Variants in RAP1GAP2 observed in about 807,000 individuals in gnomAD.
RAP1GAP2 encodes the protein RAP1 GTPase activating protein 2.
A neutral mutation model predicts 95.0 loss-of-function variants in RAP1GAP2; 27 were observed. The observed-to-expected ratio is 0.28, with a 90% confidence interval of 0.21 to 0.39. The LOEUF is 0.39. Ranked by LOEUF, RAP1GAP2 falls within the 10% of genes least tolerant of loss-of-function variation. RAP1GAP2 has a pLI of 1.00. For synonymous variants in RAP1GAP2, 373 were observed against 380.9 expected (o/e 0.98, Z 0.24); for missense variants, 771 against 970.0 (o/e 0.79, Z 2.72).
In RAP1GAP2 at chr17:3,001,490, CA is replaced by C. The variant is rs1567879290; in HGVS notation, c.1200+3116del. ...GCTGAAGTGAGGCTCGTGGAGGTAA[CA>C]AGATCAGCCTCAGGGCCTTCCTGAT... On this transcript the variant is annotated intron_variant, in intron 14 of 24. Transcript: ENST00000254695. 2.2e-4 allele frequency among the ~76,000 whole-genome samples: 19 copies of C among 85,002 alleles called. 5 individuals carry two copies. The highest frequency in any genetic ancestry group is 4.1e-4 in the Admixed American group (4 of 9,752). The allele number at this position is 85,002 out of a possible 152,430, so 55.8% of individuals were successfully genotyped here. A position where few individuals can be genotyped will look rare whatever the true frequency, so the allele number is the denominator to read the frequency against.
chr17:2,798,335 A>G (rs2069152337), intron 1 of RAP1GAP2, among the ~76,000 whole-genome samples: 1 of 152,126 alleles, frequency 6.6e-6, no homozygotes, highest in Non-Finnish European at 1.5e-5. Flanking sequence ...CTGGCATGTC[A>G]CACAGGCTCA....
Position 2,797,607 on chromosome 17 carries a change from A to T in RAP1GAP2, c.44+1036A>T, listed in dbSNP as rs1376847424. 1 of 812,232 alleles carries T rather than the reference A, an allele frequency of 1.2e-6. No individual in the cohort carries two copies. The highest frequency in any genetic ancestry group is 1.5e-6 in the Non-Finnish European group (1 of 672,544). 50.3% of individuals were successfully genotyped at this position (812,232 alleles called of 1,614,324 possible). A position where few individuals can be genotyped will look rare whatever the true frequency, so the allele number is the denominator to read the frequency against. ...TTTTTCGCTTCCGTGTGTGTGGCTT[A>T]TTTCCCTCTTCCTCCTCTTCAAAAG... On this transcript the variant is annotated intron_variant, in intron 1 of 24. Coordinates refer to ENST00000254695, the MANE Select transcript of RAP1GAP2 (RefSeq NM_015085.5). The surrounding 1 kb of genome is among the most constrained non-coding windows in gnomAD (Gnocchi z 5.6).
At chr17:2,972,259 G>A (rs11869792) in intron 8 of RAP1GAP2, among the ~76,000 whole-genome samples, 67,098 of 151,960 alleles carry the variant, frequency 0.44, 15,460 homozygotes, top group African/African-American at 0.58. Flanking sequence ...CTTTAAAGGA[G>A]CAGATTTTAT....
intron 3 of RAP1GAP2, among the ~76,000 whole-genome samples, chr17:2,931,280 T>TGTG (rs2043143190): frequency 2.1e-4 from 31 of 146,666 alleles, no homozygotes; most frequent in African/African-American, 6.7e-4. Flanking sequence ...TGAGTGTTTC[T>TGTG]TGTGTGTGTG....
chr17:2,950,912 G>T (rs1210000774), intron 3 of RAP1GAP2, among the ~76,000 whole-genome samples: 1 of 152,040 alleles, frequency 6.6e-6, no homozygotes, highest in Non-Finnish European at 1.5e-5. Context: ...CGCCCGGCCT[G>T]CTTCAATTTT....
chr17:2,762,222 C>T (rs537602705), intron 1 of RAP1GAP2, among the ~76,000 whole-genome samples: 6 of 151,240 alleles, frequency 4.0e-5, no homozygotes, highest in South Asian at 4.2e-4. Context: ...CTCCTGACCT[C>T]GTGATCCACC....
upstream of RAP1GAP2, among the ~76,000 whole-genome samples, chr17:2,775,810 G>T (rs1423579047): frequency 6.6e-6 from 1 of 152,172 alleles, no homozygotes; most frequent in East Asian, 1.9e-4. Flanking sequence ...AGGACCCTTC[G>T]TTCCTTCTAC....
At chr17:2,872,895 C>A (rs1197054582) in intron 2 of RAP1GAP2, among the ~76,000 whole-genome samples, 1 of 151,934 alleles carries the variant, frequency 6.6e-6, no homozygotes, top group Middle Eastern at 3.2e-3. Context: ...AACTCTTGGG[C>A]TCAAGCGATC....
At position 3,026,106 on chromosome 17, in the gene RAP1GAP2, G is replaced by T. The variant is rs1328290885; in HGVS notation, c.1850G>T (p.Cys617Phe). The T allele has an allele frequency of 1.4e-5, 22 of 1,610,116 alleles. No homozygotes were observed. Among genetic ancestry groups the T allele is most frequent in the Non-Finnish European group, 1.9e-5 (22 of 1,176,418 alleles). Residue 617 changes from cysteine to phenylalanine, a missense_variant, in exon 20 of 25, where the codon TGC (cysteine) becomes TTC (phenylalanine). By Grantham distance (205) the Cys-to-Phe change is radical. Coordinates refer to ENST00000254695, the MANE Select transcript of RAP1GAP2 (RefSeq NM_015085.5). ...TSSNPSSPEI[C>F]PNKEKPFMKL... ...TCCAATCCCAGCTCTCCGGAAATCTGCCCCAACAAGGAGAAGTAAGAGAGT... is the reference window on the plus strand; with the variant it reads ...TCCAATCCCAGCTCTCCGGAAATCTTCCCCAACAAGGAGAAGTAAGAGAGT...
At chr17:2,873,962 G>T (rs2072973401) in intron 2 of RAP1GAP2, among the ~76,000 whole-genome samples, 1 of 151,734 alleles carries the variant, frequency 6.6e-6, no homozygotes, top group Non-Finnish European at 1.5e-5. Flanking sequence ...CGGTGGGGGG[G>T]GGCGGGTTTC....
upstream of RAP1GAP2, among the ~76,000 whole-genome samples, chr17:2,792,921 A>G (rs913923178): frequency 3.3e-5 from 5 of 152,190 alleles, no homozygotes; most frequent in African/African-American, 1.2e-4. Context: ...GGCTGTCTCC[A>G]TAGACCGGGA....
At chr17:2,778,874 G>C (rs1223882338) in intron 1 of RAP1GAP2, among the ~76,000 whole-genome samples, 1 of 152,200 alleles carries the variant, frequency 6.6e-6, no homozygotes, top group African/African-American at 2.4e-5. Flanking sequence ...GCGGTGTTCT[G>C]AGGAGCCTTA....
intron 2 of RAP1GAP2, among the ~76,000 whole-genome samples, chr17:2,841,605 C>T (rs550750931): frequency 2.2e-4 from 33 of 151,884 alleles, no homozygotes; most frequent in Admixed American, 5.3e-4. Flanking sequence ...CGTGCCCGGC[C>T]GATTTGGGGA....
chr17:2,914,887 G>A (rs1180875940), intron 3 of RAP1GAP2, among the ~76,000 whole-genome samples: 2 of 150,320 alleles, frequency 1.3e-5, no homozygotes, highest in Admixed American at 6.7e-5. Context: ...CACCTCCTGG[G>A]TTCAAACGAT....
intron 2 of RAP1GAP2, among the ~76,000 whole-genome samples, chr17:2,821,324 A>G (rs999756192): frequency 2.6e-5 from 4 of 152,060 alleles, no homozygotes; most frequent in African/African-American, 4.8e-5. Context: ...AAAAATAAAA[A>G]TATGACCCAT....
chr17:2,839,414 A>G (rs1034322055), intron 2 of RAP1GAP2, among the ~76,000 whole-genome samples: 1 of 152,236 alleles, frequency 6.6e-6, no homozygotes, highest in African/African-American at 2.4e-5. Flanking sequence ...AACTTACATT[A>G]GTACGATCCA....
intron 3 of RAP1GAP2, among the ~76,000 whole-genome samples, chr17:2,942,098 C>T (rs530102929): frequency 9.2e-5 from 14 of 152,098 alleles, no homozygotes; most frequent in Non-Finnish European, 1.3e-4. Flanking sequence ...CAGACATGCA[C>T]GTGAGATGCT....
At chr17:2,889,887 A>ATTTTTTT (rs1183050009) in intron 2 of RAP1GAP2, among the ~76,000 whole-genome samples, 1 of 38,754 alleles carries the variant, frequency 2.6e-5, no homozygotes, top group African/African-American at 9.4e-5. Context: ...ATATATATAT[A>ATTTTTTT]TATTTTTTTT....
At chr17:2,828,566 G>C (rs1271274338) in intron 2 of RAP1GAP2, among the ~76,000 whole-genome samples, 1 of 152,154 alleles carries the variant, frequency 6.6e-6, no homozygotes, top group Non-Finnish European at 1.5e-5. Flanking sequence ...GAGCCGGCGG[G>C]AAGAGCGGGT....
Sources: gnomAD v4.1 joint callset for allele counts (sites outside exome capture counted in the v4.1 genomes callset) on GRCh38, gnomAD v4.1.1 for gene constraint, Gnocchi (gnomAD v3.1) non-coding constraint, MANE v1.5 for transcripts, NCBI Gene and HGNC (gene_info 2026-07-23, HGNC 2026-07-21) for gene names.